TBCD: variants seen among roughly 807,000 people sequenced by gnomAD.
TBCD encodes the protein tubulin folding cofactor D.
TBCD carries 105 observed loss-of-function variants against 169.3 expected under a neutral mutation model. That is an observed-to-expected ratio of 0.62 (90% CI 0.53 to 0.73). TBCD has a LOEUF of 0.73. TBCD is among the 30% of genes least tolerant of loss of function. The pLI, the probability that TBCD is intolerant of heterozygous loss-of-function variation, is 0.00. For missense variants in TBCD, 1,444 were observed against 1,600.1 expected, an observed-to-expected ratio of 0.90 and a Z score of 1.66; for synonymous variants, 700 against 643.9, an observed-to-expected ratio of 1.09 and a Z score of -1.32.
intron 23 of TBCD, chr17:82,918,537 G>A (rs8079905): frequency 0.37 from 56,478 of 152,074 alleles, 12,226 homozygotes; most frequent in African/African-American, 0.61. Flanking sequence ...GCACTCAGTA[G>A]AGTACACTGG....
chr17:82,853,634 G>A (rs929297871), intron 13 of TBCD, among the ~76,000 whole-genome samples: 2 of 151,462 alleles, frequency 1.3e-5, no homozygotes, highest in Admixed American at 6.6e-5. Context: ...TGAACTCCTC[G>A]CCTCAAATGA....
intron 13 of TBCD, among the ~76,000 whole-genome samples, chr17:82,851,609 A>G (rs1416504555): frequency 6.6e-6 from 1 of 152,230 alleles, no homozygotes; most frequent in African/African-American, 2.4e-5. Context: ...TTCACTCTGC[A>G]CAGGGCGGGT....
rs755302623 is a variant in TBCD, at chr17:82,840,953, G to GTTTTTTTTTT, written c.1318+26019_1318+26020insTTTTTTTTTT. On this transcript the variant is annotated intron_variant, in intron 13 of 38. Transcript: ENST00000355528. ...ACGAGCTGGCCAGGACAGACAAACTGGTTTTTTTTTTTTTTTTTTTTTTTT... is the reference window on the plus strand; with the variant it reads ...ACGAGCTGGCCAGGACAGACAAACTGTTTTTTTTTTGTTTTTTTTTTTTTTTTTTTTTTTT... Among the ~76,000 whole-genome samples, 91 of 70,548 alleles carry GTTTTTTTTTT rather than the reference G, an allele frequency of 1.3e-3. 35 individuals carry two copies. Among genetic ancestry groups the GTTTTTTTTTT allele is most frequent in the African/African-American group, 4.2e-3 (76 of 18,010 alleles). The allele number at this position is 70,548 out of a possible 152,430, so 46.3% of individuals were successfully genotyped here.
At chr17:82,828,257 C>A in intron 13 of TBCD, among the ~76,000 whole-genome samples, 1 of 137,338 alleles carries the variant, frequency 7.3e-6, no homozygotes, top group East Asian at 2.3e-4. Flanking sequence ...CACATGTGCA[C>A]ACCCACACAA....
At chr17:82,792,308 CAAAAAAAA>C (rs79198926) in intron 7 of TBCD, among the ~76,000 whole-genome samples, 1 of 119,032 alleles carries the variant, frequency 8.4e-6, no homozygotes, top group Non-Finnish European at 1.8e-5. Flanking sequence ...ACTCCGTCTC[CAAAAAAAA>C]AAAAAAAATT....
chr17:82,757,438 C>T (rs1203926230), intron 2 of TBCD, among the ~76,000 whole-genome samples: 4 of 151,862 alleles, frequency 2.6e-5, no homozygotes, highest in Non-Finnish European at 4.4e-5. Context: ...ATGGCTAACA[C>T]GATGAAACCC....
intron 8 of TBCD, among the ~76,000 whole-genome samples, chr17:82,799,784 T>C (rs956632831): frequency 2.0e-5 from 3 of 152,172 alleles, no homozygotes; most frequent in African/African-American, 7.2e-5. Flanking sequence ...AACACAGACC[T>C]CCCTCTTGGG....
rs1445411766 is a variant in TBCD at position 82,942,845 on chromosome 17, T to C, written c.*382T>C. 14 of 324,858 alleles carry C rather than the reference T, an allele frequency of 4.3e-5. No individual in the cohort carries two copies. In the Admixed American group the frequency reaches 5.7e-4, roughly 13 times the overall value. 20.1% of individuals were successfully genotyped at this position (324,858 alleles called of 1,614,324 possible). Reference sequence around the variant, plus strand: ...CCTTCTTGCCTGGTGCTGTCCCTGCTGTGGGAGACGTCTGGCCACAGGCAG... The same window carrying C: ...CCTTCTTGCCTGGTGCTGTCCCTGCCGTGGGAGACGTCTGGCCACAGGCAG... On this transcript the variant is annotated 3_prime_UTR_variant, in exon 39 of 39. Coordinates refer to ENST00000355528, the MANE Select transcript of TBCD (RefSeq NM_005993.5).
chr17:82,930,776 T>C lies in TBCD; in HGVS notation c.3113+133T>C. The C allele has an allele frequency of 7.1e-7, 1 of 1,407,412 alleles. No homozygotes were observed. The highest frequency in any genetic ancestry group is 9.6e-7 in the Non-Finnish European group (1 of 1,041,200). The allele number at this position is 1,407,412 out of a possible 1,614,324, so 87.2% of individuals were successfully genotyped here. On this transcript the variant is annotated intron_variant, in intron 33 of 38. Coordinates refer to ENST00000355528, the MANE Select transcript of TBCD (RefSeq NM_005993.5). This position sits in a 1 kb window ranked among gnomAD's most constrained non-coding sequence, Gnocchi z 5.2. ...AGAAGCGAGACACACGCTGTACCAG[T>C]TGGTGGCTCAGCGAGGAAGATGTGC...
At chr17:82,788,628 C>A (rs1055027667) in intron 7 of TBCD, among the ~76,000 whole-genome samples, 1 of 152,220 alleles carries the variant, frequency 6.6e-6, no homozygotes, top group Non-Finnish European at 1.5e-5. Flanking sequence ...CAGCCTCACT[C>A]CCAGCTCCCG....
chr17:82,831,028 G>T lies in TBCD; in HGVS notation c.1318+16094G>T. 6.2e-7 allele frequency: 1 copy of T among 1,614,148 alleles called. No homozygotes were observed. The highest frequency in any genetic ancestry group is 1.1e-5 in the South Asian group (1 of 91,078). ...AATGACATTTTCTTACCTTACTGGA[G>T]ACTCTGCTGTGGTCTCAGCAGCCTG... On this transcript the variant is annotated intron_variant, in intron 13 of 38. Transcript: ENST00000355528. The surrounding 1 kb of genome is among the most constrained non-coding windows in gnomAD (Gnocchi z 4.6).
chr17:82,820,260 G>C (rs1443773379), intron 13 of TBCD, among the ~76,000 whole-genome samples: 7 of 152,236 alleles, frequency 4.6e-5, no homozygotes, highest in Non-Finnish European at 4.4e-5. Context: ...TTACAGGCGT[G>C]AGGCACTGCG....
chr17:82,936,944 C>T (rs577889848), intron 34 of TBCD, among the ~76,000 whole-genome samples: 31 of 152,200 alleles, frequency 2.0e-4, no homozygotes, highest in East Asian at 7.7e-4. Context: ...TGGAGGAGCA[C>T]GGGCATCCTG....
chr17:82,766,385 C>G lies in TBCD; in HGVS notation c.435+17C>G, dbSNP rs548743028. ...GACCATGAAGTGAGTGTCTCTGCCTCCCCCCTCGTCTCCAGCCCTCCGTGC... is the reference window on the plus strand; with the variant it reads ...GACCATGAAGTGAGTGTCTCTGCCTGCCCCCTCGTCTCCAGCCCTCCGTGC... On this transcript the variant is annotated intron_variant, in intron 4 of 38. Coordinates refer to ENST00000355528, the MANE Select transcript of TBCD (RefSeq NM_005993.5). 1.3e-6 allele frequency: 2 copies of G among 1,587,816 alleles called. No individual in the cohort carries two copies. Among genetic ancestry groups the G allele is most frequent in the South Asian group, 2.2e-5 (2 of 89,006 alleles).
At chr17:82,826,364 G>A (rs1039730692) in intron 13 of TBCD, among the ~76,000 whole-genome samples, 1 of 152,068 alleles carries the variant, frequency 6.6e-6, no homozygotes, top group Admixed American at 6.6e-5. Context: ...TTGAAATTTA[G>A]CTCTTAATAA....
chr17:82,941,752 GCTC>G, intron 38 of TBCD: 1 of 507,770 alleles, frequency 2.0e-6, no homozygotes, highest in East Asian at 3.5e-5. Context: ...CTTGATCCAG[GCTC>G]CTCATGCCTG....
chr17:82,772,924 C>A (rs1229423221), intron 6 of TBCD, among the ~76,000 whole-genome samples: 1 of 152,090 alleles, frequency 6.6e-6, no homozygotes, highest in African/African-American at 2.4e-5. Context: ...ATTAACTGCA[C>A]CCCCCGTGTG....
chr17:82,862,887 C>T (rs555323838), intron 13 of TBCD, among the ~76,000 whole-genome samples: 4 of 152,254 alleles, frequency 2.6e-5, no homozygotes, highest in South Asian at 2.1e-4. Flanking sequence ...CTCACGCGTC[C>T]GAGGTGGCTG....
Position 82,789,475 on chromosome 17 carries a change from A to C in TBCD, c.771+7754A>C, listed in dbSNP as rs896118079. Among the ~76,000 whole-genome samples the C allele has an allele frequency of 6.6e-6, 1 of 152,200 alleles. No homozygotes were observed. Among genetic ancestry groups the C allele is most frequent in the Non-Finnish European group, 1.5e-5 (1 of 68,036 alleles). On this transcript the variant is annotated intron_variant, in intron 7 of 38. Transcript: ENST00000355528. This position sits in a 1 kb window ranked among gnomAD's most constrained non-coding sequence, Gnocchi z 4.8. ...CACCCCGCTCAGTTCTTAGATGAGG[A>C]AGAGACAGGCAGAGAGCTGGGCTGG...
Sources: gnomAD v4.1 joint callset for allele counts (sites outside exome capture counted in the v4.1 genomes callset) on GRCh38, gnomAD v4.1.1 for gene constraint, Gnocchi (gnomAD v3.1) non-coding constraint, MANE v1.5 for transcripts, NCBI Gene and HGNC (gene_info 2026-07-23, HGNC 2026-07-21) for gene names.